Variants in LRFN5 observed in about 807,000 individuals in gnomAD.
LRFN5 encodes the protein leucine-rich repeat and fibronectin type-III domain-containing protein 5.
A neutral mutation model predicts 45.6 loss-of-function variants in LRFN5; 24 were observed. The ratio of observed to expected loss-of-function variants is 0.53; its 90% confidence interval spans 0.38 to 0.74. The LOEUF (loss-of-function observed/expected upper bound fraction) is 0.74. LRFN5 is among the 30% of genes least tolerant of loss of function. LRFN5 has a pLI of 0.00. For missense variants in LRFN5, 776 were observed against 861.5 expected (o/e 0.90, Z 1.24); for synonymous variants, 340 against 313.8 (o/e 1.08, Z -0.88).
intron 2 of LRFN5, among the ~76,000 whole-genome samples, chr14:41,792,542 C>A (rs1886962402): frequency 1.3e-5 from 2 of 151,532 alleles, no homozygotes; most frequent in Non-Finnish European, 3.0e-5. Context: ...GCATTCCTTT[C>A]CCAGAGTATT....
chr14:41,779,652 A>G (rs976886064), intron 2 of LRFN5, among the ~76,000 whole-genome samples: 9 of 151,908 alleles, frequency 5.9e-5, no homozygotes, highest in Non-Finnish European at 1.2e-4. Flanking sequence ...GTCCGTTAAC[A>G]GATAAAGAGA....
chr14:41,754,706 C>A lies in LRFN5; in HGVS notation c.-196-12148C>A, dbSNP rs1338050671. ...GGTCTATCAATTTTGTTGATCTTTT[C>A]AAAAAACCGGCTCCTGGATTCATTG... is the stretch of plus-strand genomic sequence containing the variant. On this transcript the variant is annotated intron_variant, in intron 1 of 5. Transcript: ENST00000298119. Among the ~76,000 whole-genome samples the A allele has an allele frequency of 3.9e-5, 6 of 152,010 alleles. No individual in the cohort carries two copies. In the East Asian group the frequency reaches 7.7e-4, roughly 20 times the overall value.
At chr14:41,775,476 C>T (rs996543246) in intron 2 of LRFN5, among the ~76,000 whole-genome samples, 11 of 152,122 alleles carry the variant, frequency 7.2e-5, no homozygotes, top group Non-Finnish European at 1.3e-4. Context: ...ATCTGGCTTT[C>T]TTTTTGATAA....
chr14:41,828,632 T>C (rs112246843), intron 2 of LRFN5, among the ~76,000 whole-genome samples: 1,671 of 152,100 alleles, frequency 0.011, 29 homozygotes, highest in African/African-American at 0.039. Context: ...TGTTTACCTA[T>C]TCAAACCTAA....
chr14:41,672,323 T>G (rs1239008558), intron 1 of LRFN5, among the ~76,000 whole-genome samples: 1 of 152,238 alleles, frequency 6.6e-6, no homozygotes, highest in Non-Finnish European at 1.5e-5. Context: ...TCGTGTAAGA[T>G]ATCATTCCTC....
intron 2 of LRFN5, among the ~76,000 whole-genome samples, chr14:41,854,308 T>C (rs149595070): frequency 2.1e-5 from 3 of 145,168 alleles, no homozygotes; most frequent in Non-Finnish European, 4.5e-5. Context: ...CATCCTTTTT[T>C]ATGGCTGCAT....
chr14:41,734,314 TTTTATATA>T (rs1241412916), intron 1 of LRFN5, among the ~76,000 whole-genome samples: 3 of 12,002 alleles, frequency 2.5e-4, no homozygotes, highest in African/African-American at 4.0e-4. Context: ...CCTGGACTGG[TTTTATATA>T]TATATATATA....
In LRFN5 at chr14:41,679,143, C is replaced by T. The variant is rs894542626; in HGVS notation, c.-197+70581C>T. 1.8e-4 allele frequency among the ~76,000 whole-genome samples: 27 copies of T among 152,268 alleles called. 2 individuals are homozygous for T. Among genetic ancestry groups the T allele is most frequent in the Admixed American group, 1.4e-3 (21 of 15,302 alleles). On this transcript the variant is annotated intron_variant, in intron 1 of 5. Transcript: ENST00000298119. Reference sequence around the variant, plus strand: ...CCCCACCACTGTGGACTAAAGTACTCTTGGGTTCTAAATAAACTTGAAAGG... The same window carrying T: ...CCCCACCACTGTGGACTAAAGTACTTTTGGGTTCTAAATAAACTTGAAAGG...
chr14:41,707,067 G>T (rs1453984145), intron 1 of LRFN5, among the ~76,000 whole-genome samples: 4 of 152,164 alleles, frequency 2.6e-5, no homozygotes, highest in Non-Finnish European at 4.4e-5. Context: ...GCACAAATTT[G>T]TTCTGCCTGC....
chr14:41,897,909 T>C (rs999734256), intron 4 of LRFN5, among the ~76,000 whole-genome samples: 2 of 152,134 alleles, frequency 1.3e-5, no homozygotes, highest in Non-Finnish European at 2.9e-5. Flanking sequence ...TATGTACATA[T>C]TATGTTTCTG....
At chr14:41,700,472 A>T (rs1882794320) in intron 1 of LRFN5, 1 of 152,136 alleles carries the variant, frequency 6.6e-6, no homozygotes, top group South Asian at 2.1e-4. Flanking sequence ...GAATATGATC[A>T]TCAATAGCAT....
At chr14:41,702,285 AGG>A (rs1882870396) in intron 1 of LRFN5, among the ~76,000 whole-genome samples, 1 of 152,200 alleles carries the variant, frequency 6.6e-6, no homozygotes, top group Non-Finnish European at 1.5e-5. Flanking sequence ...TGGCACATGC[AGG>A]GAATCCATGA....
Position 41,904,323 on chromosome 14 carries a change from T to G in LRFN5, c.*148T>G, listed in dbSNP as rs1891190602. ...CTACAGGAGCCAAGGTGAAAGTCTC[T>G]GATGACGGCGGAACTGGCTCCATTA... is the stretch of plus-strand genomic sequence containing the variant. On this transcript the variant is annotated 3_prime_UTR_variant, in exon 6 of 6. Transcript: ENST00000298119. 4.0e-6 allele frequency: 4 copies of G among 988,066 alleles called. No individual in the cohort carries two copies. The highest frequency in any genetic ancestry group is 2.4e-4 in the Middle Eastern group (1 of 4,242). The allele number at this position is 988,066 out of a possible 1,614,324, so 61.2% of individuals were successfully genotyped here.
chr14:41,647,738 A>G (rs1244404817), intron 1 of LRFN5, among the ~76,000 whole-genome samples: 2 of 152,192 alleles, frequency 1.3e-5, no homozygotes, highest in African/African-American at 4.8e-5. Flanking sequence ...TAACATAAGA[A>G]GAGATGCCAA....
intron 1 of LRFN5, among the ~76,000 whole-genome samples, chr14:41,642,092 T>A (rs1409166765): frequency 2.0e-5 from 3 of 152,206 alleles, no homozygotes; most frequent in African/African-American, 7.2e-5. Context: ...TGTAAGACCT[T>A]GTCTTACTAT....
intron 2 of LRFN5, among the ~76,000 whole-genome samples, chr14:41,881,640 A>T (rs1003197391): frequency 3.3e-5 from 5 of 152,066 alleles, no homozygotes; most frequent in African/African-American, 1.2e-4. Context: ...AATTATGATA[A>T]TATTAATCAT....
chr14:41,873,847 G>A (rs929928023), intron 2 of LRFN5, among the ~76,000 whole-genome samples: 1 of 152,102 alleles, frequency 6.6e-6, no homozygotes, highest in Non-Finnish European at 1.5e-5. Context: ...GCACAACAGA[G>A]CCAATATAAC....
chr14:41,734,980 T>C (rs1884361279), intron 1 of LRFN5, among the ~76,000 whole-genome samples: 1 of 152,160 alleles, frequency 6.6e-6, no homozygotes, highest in African/African-American at 2.4e-5. Context: ...TCTTTTATAG[T>C]TTGTGTTACT....
At chr14:41,632,174 G>A (rs895958995) in intron 1 of LRFN5, among the ~76,000 whole-genome samples, 4 of 152,086 alleles carry the variant, frequency 2.6e-5, no homozygotes, top group Non-Finnish European at 2.9e-5. Flanking sequence ...AAAAAAAAAC[G>A]TAGCATTTCG....
Sources: gnomAD v4.1 joint callset for allele counts (sites outside exome capture counted in the v4.1 genomes callset) on GRCh38, gnomAD v4.1.1 for gene constraint, MANE v1.5 for transcripts, NCBI Gene and HGNC (gene_info 2026-07-23, HGNC 2026-07-21) for gene names.